Variants in PPM1E observed in about 807,000 individuals in gnomAD.
PPM1E encodes protein phosphatase, Mg2+/Mn2+ dependent 1E, also known as protein phosphatase 1E.
A neutral mutation model predicts 65.9 loss-of-function variants in PPM1E; 20 were observed. The observed-to-expected ratio is 0.30, with a 90% confidence interval of 0.21 to 0.44. The LOEUF (loss-of-function observed/expected upper bound fraction) is 0.44. Ranked by LOEUF, PPM1E falls within the 20% of genes least tolerant of loss-of-function variation. PPM1E has a pLI of 1.00. For synonymous variants in PPM1E, 352 were observed against 374.9 expected, an observed-to-expected ratio of 0.94 and a Z score of 0.70; for missense variants, 713 against 953.1, an observed-to-expected ratio of 0.75 and a Z score of 3.32.
intron 1 of PPM1E, among the ~76,000 whole-genome samples, chr17:58,766,543 C>T (rs2049880623): frequency 6.6e-6 from 1 of 151,668 alleles, no homozygotes; most frequent in Admixed American, 6.6e-5. Flanking sequence ...AATCTAAATA[C>T]AAAAACTAAG....
intron 1 of PPM1E, among the ~76,000 whole-genome samples, chr17:58,901,446 G>C (rs1466656247): frequency 6.6e-6 from 1 of 152,138 alleles, no homozygotes; most frequent in Non-Finnish European, 1.5e-5. Flanking sequence ...GGCCGAGGCA[G>C]GCAGATCACC....
At chr17:58,932,755 A>G (rs1401112925) in intron 1 of PPM1E, among the ~76,000 whole-genome samples, 2 of 152,202 alleles carry the variant, frequency 1.3e-5, no homozygotes, top group East Asian at 3.8e-4. Flanking sequence ...GAATACTGAT[A>G]GGTATGTTGG....
rs187409840 is a variant in PPM1E, at chr17:58,863,074, A to G, written c.465-92575A>G. Among the ~76,000 whole-genome samples, 15 of 152,348 alleles carry G rather than the reference A, an allele frequency of 9.8e-5. No individual in the cohort carries two copies. The South Asian group carries it at 1.0e-3, about 11-fold the overall frequency. ...AATGTCTGACTTTGAATGGCTTCAGATCTTGATAATGGCTAATGATTTGGG... is the reference window on the plus strand; with the variant it reads ...AATGTCTGACTTTGAATGGCTTCAGGTCTTGATAATGGCTAATGATTTGGG... On this transcript the variant is annotated intron_variant, in intron 1 of 6. Coordinates refer to ENST00000308249, the MANE Select transcript of PPM1E (RefSeq NM_014906.5).
chr17:58,980,483 C>T lies in PPM1E; in HGVS notation c.1720C>T (p.Gln574Ter). The change falls in exon 7 of 7, where the codon CAA becomes TAA. Residue 574 changes from glutamine (Q) to a stop codon, truncating the protein, a stop_gained. Transcript: ENST00000308249. LOFTEE classifies it high-confidence loss of function. This position sits in a 1 kb window ranked among gnomAD's most constrained non-coding sequence, Gnocchi z 4.7. ...AGACCCAGGCTACCTAGATCTCACA[C>T]AAATAGAAGCAAGCAAACCTCACAG... is the stretch of plus-strand genomic sequence containing the variant. The part of the protein sequence containing the change: ...LEDPGYLDLT[Q>*]IEASKPHSAQ... 6.2e-7 allele frequency: 1 copy of T among 1,614,172 alleles called. No homozygotes were observed.
At chr17:58,882,436 G>C (rs1232447851) in intron 1 of PPM1E, among the ~76,000 whole-genome samples, 3 of 152,018 alleles carry the variant, frequency 2.0e-5, no homozygotes, top group Non-Finnish European at 4.4e-5. Context: ...TGTCACCCAG[G>C]CTGGAGTGCA....
intron 1 of PPM1E, among the ~76,000 whole-genome samples, chr17:58,863,349 T>C (rs2050962724): frequency 6.6e-6 from 1 of 152,170 alleles, no homozygotes; most frequent in South Asian, 2.1e-4. Context: ...AGGTGAGCAG[T>C]TGCAGGAGCC....
At chr17:58,768,114 C>G (rs2049900909) in intron 1 of PPM1E, among the ~76,000 whole-genome samples, 1 of 151,912 alleles carries the variant, frequency 6.6e-6, no homozygotes, top group Admixed American at 6.6e-5. Flanking sequence ...CCTTGCCCAG[C>G]TAATTTTTTG....
chr17:58,806,374 G>A (rs1305400728), intron 1 of PPM1E, among the ~76,000 whole-genome samples: 1 of 151,990 alleles, frequency 6.6e-6, no homozygotes, highest in East Asian at 1.9e-4. Flanking sequence ...GTTGTCGACA[G>A]TATAGGGATT....
In PPM1E at chr17:58,981,191, T is replaced by C; in HGVS notation, c.*160T>C. On this transcript the variant is annotated 3_prime_UTR_variant, in exon 7 of 7. Transcript: ENST00000308249. Reference sequence around the variant, plus strand: ...GATCTCTAGGAAACTCAAAGTACAGTGTTTTCAATCTAAAAAGAAGTATTG... The same window carrying C: ...GATCTCTAGGAAACTCAAAGTACAGCGTTTTCAATCTAAAAAGAAGTATTG... 2 of 600,272 alleles carry C rather than the reference T, an allele frequency of 3.3e-6. No individual in the cohort carries two copies. Among genetic ancestry groups the C allele is most frequent in the Non-Finnish European group, 2.8e-6 (1 of 356,122 alleles). The allele number at this position is 600,272 out of a possible 1,614,324, so 37.2% of individuals were successfully genotyped here.
At chr17:58,791,181 C>T (rs572456734) in intron 1 of PPM1E, among the ~76,000 whole-genome samples, 3 of 152,242 alleles carry the variant, frequency 2.0e-5, no homozygotes, top group African/African-American at 4.8e-5. Flanking sequence ...TGTGAGCCAC[C>T]GTGCCTGGCC....
intron 4 of PPM1E, among the ~76,000 whole-genome samples, chr17:58,970,914 T>G (rs2030564798): frequency 6.6e-6 from 1 of 152,118 alleles, no homozygotes; most frequent in South Asian, 2.1e-4. Flanking sequence ...TCACTCTGTC[T>G]TCTTCATCCT....
At chr17:58,795,819 G>C (rs2050200519) in intron 1 of PPM1E, among the ~76,000 whole-genome samples, 1 of 152,050 alleles carries the variant, frequency 6.6e-6, no homozygotes, top group African/African-American at 2.4e-5. Context: ...ATGTTTGCTG[G>C]GTACATGTAT....
intron 1 of PPM1E, among the ~76,000 whole-genome samples, chr17:58,877,010 G>C (rs962561679): frequency 3.2e-4 from 49 of 152,236 alleles, no homozygotes; most frequent in African/African-American, 1.1e-3. Flanking sequence ...GTTTCAATCT[G>C]CTGACCTCGT....
At chr17:58,937,359 GTT>G (rs1182105731) in intron 1 of PPM1E, among the ~76,000 whole-genome samples, 2 of 146,416 alleles carry the variant, frequency 1.4e-5, no homozygotes, top group African/African-American at 5.0e-5. Context: ...CACCTCCCCA[GTT>G]CAAGCGATTC....
chr17:58,905,206 T>C (rs2051544106), intron 1 of PPM1E, among the ~76,000 whole-genome samples: 1 of 152,224 alleles, frequency 6.6e-6, no homozygotes, highest in Non-Finnish European at 1.5e-5. Flanking sequence ...ATTCTTTTTC[T>C]TGTCTTATTG....
intron 1 of PPM1E, among the ~76,000 whole-genome samples, chr17:58,778,657 G>A (rs1399638333): frequency 2.6e-5 from 4 of 151,534 alleles, no homozygotes; most frequent in Non-Finnish European, 4.4e-5. Flanking sequence ...CAATCTGCCC[G>A]CCTCAGCTTC....
chr17:58,805,963 AAAAAAAAAAACAAAAAAAAAAC>A (rs1243808205), intron 1 of PPM1E, among the ~76,000 whole-genome samples: 2 of 113,012 alleles, frequency 1.8e-5, no homozygotes, highest in Admixed American at 8.2e-5. Context: ...AAAAAAAACA[AAAAAAAAAAACAAAAAAAAAAC>A]AAAACAAAAC....
chr17:58,889,859 A>G (rs954976020), intron 1 of PPM1E, among the ~76,000 whole-genome samples: 2 of 152,248 alleles, frequency 1.3e-5, no homozygotes, highest in Admixed American at 6.5e-5. Flanking sequence ...AAGGCTATGC[A>G]TAATAAGCTT....
chr17:58,865,593 A>G (rs1036068033), intron 1 of PPM1E, among the ~76,000 whole-genome samples: 5 of 151,566 alleles, frequency 3.3e-5, no homozygotes, highest in African/African-American at 9.7e-5. Flanking sequence ...CGATTTACTC[A>G]GAAGGCTGAG....
Sources: allele counts gnomAD v4.1 joint callset (sites outside exome capture counted in the v4.1 genomes callset), GRCh38; gene constraint gnomAD v4.1.1; non-coding constraint Gnocchi (gnomAD v3.1); transcripts MANE v1.5; gene names NCBI Gene and HGNC (gene_info 2026-07-23, HGNC 2026-07-21).